Variants in GRIN2D observed in about 807,000 individuals in gnomAD.
GRIN2D encodes glutamate receptor ionotropic, NMDA 2D.
GRIN2D carries 37 observed loss-of-function variants against 103.2 expected under a neutral mutation model. The observed-to-expected ratio is 0.36, with a 90% confidence interval of 0.28 to 0.47. The LOEUF (loss-of-function observed/expected upper bound fraction) is 0.47. Among genes scored for constraint, GRIN2D ranks in the 20% least tolerant of loss-of-function variants. The probability of loss-of-function intolerance (pLI) is 1.00; values close to 1 mark genes in which losing one functional copy is unlikely to be tolerated. For missense variants in GRIN2D, 1,557 were observed against 1,910.6 expected (o/e 0.81, Z 3.45); for synonymous variants, 845 against 885.6 (o/e 0.95, Z 0.81).
intron 2 of GRIN2D, among the ~76,000 whole-genome samples, chr19:48,395,737 T>TGG (rs548565107): frequency 6.6e-6 from 1 of 151,312 alleles, no homozygotes. Context: ...CAGAGCTCGG[T>TGG]GGGGGGGCAC....
chr19:48,430,013 C>T (rs1266009120), intron 11 of GRIN2D, among the ~76,000 whole-genome samples: 2 of 152,118 alleles, frequency 1.3e-5, no homozygotes, highest in Non-Finnish European at 2.9e-5. Flanking sequence ...CAATTTTAGG[C>T]ATTTTTCCAT....
chr19:48,396,067 T>G (rs1336411845), intron 2 of GRIN2D, among the ~76,000 whole-genome samples: 1 of 151,960 alleles, frequency 6.6e-6, no homozygotes, highest in Non-Finnish European at 1.5e-5. Context: ...GAAGGCAGGC[T>G]GGGAGCTCAG....
intron 11 of GRIN2D, among the ~76,000 whole-genome samples, chr19:48,430,861 T>A (rs1971147932): frequency 6.7e-6 from 1 of 148,552 alleles, no homozygotes; most frequent in Non-Finnish European, 1.5e-5. Context: ...TCTCTGTCAC[T>A]CAGGCTGGAG....
In GRIN2D at chr19:48,394,786, C is replaced by A; in HGVS notation, c.-177C>A. ...GGGACAGACAGGAGGTCCGGGCTGC[C>A]GCTGCTGCCGCCACCACCACTGCCG... On this transcript the variant is annotated 5_prime_UTR_variant, in exon 2 of 14. Coordinates refer to ENST00000263269, the MANE Select transcript of GRIN2D (RefSeq NM_000836.4). This position sits in a 1 kb window ranked among gnomAD's most constrained non-coding sequence, Gnocchi z 5.1. 1 of 155,726 alleles carries A rather than the reference C, an allele frequency of 6.4e-6. No individual in the cohort carries two copies. Among genetic ancestry groups the A allele is most frequent in the South Asian group, 1.8e-4 (1 of 5,408 alleles). The allele number at this position is 155,726 out of a possible 1,614,324, so 9.6% of individuals were successfully genotyped here.
chr19:48,426,224 C>CTTTCTTTTTTTTTTTTTTT (rs1555893889), intron 11 of GRIN2D, among the ~76,000 whole-genome samples: 4 of 120,088 alleles, frequency 3.3e-5, no homozygotes, highest in African/African-American at 1.4e-4. Flanking sequence ...TTCTTTCTTT[C>CTTTCTTTTTTTTTTTTTTT]TTTTTTTTTT....
chr19:48,398,450 C>T lies in GRIN2D; in HGVS notation c.58C>T (p.Leu20=). ...PRGPAKMLLL[L]ALACASPFPE... ...GGGCCCCGCTAAGATGCTGCTGCTG[C>T]TGGCGCTGGCCTGCGCCAGCCCGTT... The change falls in exon 3 of 14, where the codon CTG becomes TTG. Residue 20 remains leucine (L), a synonymous_variant. Coordinates refer to ENST00000263269, the MANE Select transcript of GRIN2D (RefSeq NM_000836.4). 9.1e-7 allele frequency: 1 copy of T among 1,098,412 alleles called. No homozygotes were observed. Among genetic ancestry groups the T allele is most frequent in the Non-Finnish European group, 1.1e-6 (1 of 903,428 alleles). The allele number at this position is 1,098,412 out of a possible 1,614,324, so 68.0% of individuals were successfully genotyped here.
At chr19:48,434,413 C>T (rs1347651500) in intron 11 of GRIN2D, among the ~76,000 whole-genome samples, 1 of 152,078 alleles carries the variant, frequency 6.6e-6, no homozygotes, top group African/African-American at 2.4e-5. Context: ...GCAACCACAC[C>T]CAGCTAGTTC....
At chr19:48,426,580 T>TTTCA (rs1015338156) in intron 11 of GRIN2D, among the ~76,000 whole-genome samples, 3 of 151,516 alleles carry the variant, frequency 2.0e-5, no homozygotes, top group Non-Finnish European at 2.9e-5. Flanking sequence ...TATTTTTTAT[T>TTTCA]TTTATTTATT....
chr19:48,399,373 G>A (rs149959070), intron 3 of GRIN2D, among the ~76,000 whole-genome samples: 7,900 of 152,268 alleles, frequency 0.052, 238 homozygotes, highest in Middle Eastern at 0.099. Context: ...TTTGAGACCA[G>A]CCTGGCCAAC....
At chr19:48,401,980 A>T (rs1156480548) in intron 3 of GRIN2D, among the ~76,000 whole-genome samples, 1 of 152,124 alleles carries the variant, frequency 6.6e-6, no homozygotes, top group Non-Finnish European at 1.5e-5. Flanking sequence ...CATGCATGTA[A>T]TCCCAGCTAC....
At chr19:48,416,424 T>G (rs1970950116) in intron 8 of GRIN2D, among the ~76,000 whole-genome samples, 1 of 152,228 alleles carries the variant, frequency 6.6e-6, no homozygotes, top group Admixed American at 6.5e-5. Context: ...TTCCAAGCCC[T>G]GCACCTGGTT....
Position 48,429,715 on chromosome 19 carries a change from A to ATGTGTGTGTGTG in GRIN2D, c.2252+7784_2252+7795dup, listed in dbSNP as rs35154284. On this transcript the variant is annotated intron_variant, in intron 11 of 13. Coordinates refer to ENST00000263269, the MANE Select transcript of GRIN2D (RefSeq NM_000836.4). Reference sequence around the variant, plus strand: ...GGCCCGGCCTAATTTTAATTTTTTAATGTGTGTGTGTGTGTGTGTGTGTGT... The same window carrying ATGTGTGTGTGTG: ...GGCCCGGCCTAATTTTAATTTTTTAATGTGTGTGTGTGTGTGTGTGTGTGTGTGTGTGTGTGT... Among the ~76,000 whole-genome samples the ATGTGTGTGTGTG allele has an allele frequency of 4.0e-3, 584 of 146,982 alleles. 3 individuals are homozygous for ATGTGTGTGTGTG. Among genetic ancestry groups the ATGTGTGTGTGTG allele is most frequent in the African/African-American group, 0.014 (561 of 40,004 alleles).
At chr19:48,428,863 G>A (rs991707464) in intron 11 of GRIN2D, among the ~76,000 whole-genome samples, 1 of 152,174 alleles carries the variant, frequency 6.6e-6, no homozygotes, top group Non-Finnish European at 1.5e-5. Flanking sequence ...AATCTTAGGT[G>A]GGTATGATTG....
rs71181697 is a variant in GRIN2D, at chr19:48,438,287, C to CTTTTTTTTTTTT, written c.2253-3464_2253-3453dup. 7.0e-3 allele frequency among the ~76,000 whole-genome samples: 405 copies of CTTTTTTTTTTTT among 57,752 alleles called. 61 individuals are homozygous for CTTTTTTTTTTTT. Among genetic ancestry groups the CTTTTTTTTTTTT allele is most frequent in the African/African-American group, 0.025 (329 of 13,222 alleles). 37.9% of individuals were successfully genotyped at this position (57,752 alleles called of 152,430 possible). On this transcript the variant is annotated intron_variant, in intron 11 of 13. Coordinates refer to ENST00000263269, the MANE Select transcript of GRIN2D (RefSeq NM_000836.4). ...TCTCTTCAACTCAGCATCCAGCCGC[C>CTTTTTTTTTTTT]TTTTTTTTTTTTTTTTTTTTTTTTT... is the stretch of plus-strand genomic sequence containing the variant.
rs1212804839 is a variant in GRIN2D at position 48,443,697 on chromosome 19, TG to T, written c.3776del (p.Gly1259AlafsTer259). The T allele has an allele frequency of 1.6e-6, 2 of 1,250,510 alleles. No homozygotes were observed. The highest frequency in any genetic ancestry group is 2.9e-5 in the South Asian group (1 of 34,136). 77.5% of individuals were successfully genotyped at this position (1,250,510 alleles called of 1,614,324 possible). A position where few individuals can be genotyped will look rare whatever the true frequency, so the allele number is the denominator to read the frequency against. On this transcript the variant is annotated frameshift_variant, in exon 14 of 14. Coordinates refer to ENST00000263269, the MANE Select transcript of GRIN2D (RefSeq NM_000836.4). LOFTEE classifies it high-confidence loss of function. The surrounding 1 kb of genome is among the most constrained non-coding windows in gnomAD (Gnocchi z 8.9). ...PHHHRHRRAA[G>X]GWDLPPPAPT... ...ACCACCACAGGCACCGGCGCGCCGC[TG>T]GGGGCTGGGACCTCCCGCCGCCCGC... is the stretch of plus-strand genomic sequence containing the variant.
Position 48,443,050 on chromosome 19 carries a change from G to C in GRIN2D, c.3124G>C (p.Gly1042Arg), listed in dbSNP as rs1297532606. The change falls in exon 14 of 14, where the codon GGG (glycine) becomes CGG (arginine). Residue 1042 changes from glycine (G) to arginine (R), a missense_variant. By Grantham distance (125) the Gly-to-Arg change is moderately radical (BLOSUM62 -2). Transcript: ENST00000263269. The surrounding 1 kb of genome is among the most constrained non-coding windows in gnomAD (Gnocchi z 8.9). ...CCCCGCCGCCGCGGCCACCGCCGTC[G>C]GGCCGCCACTCTGCCGCTTGGCCTT... ...APPAAAATAV[G>R]PPLCRLAFED... The C allele has an allele frequency of 2.9e-6, 3 of 1,040,390 alleles. No homozygotes were observed. The African/African-American group carries it at 5.2e-5, about 18-fold the overall frequency. 64.4% of individuals were successfully genotyped at this position (1,040,390 alleles called of 1,614,324 possible).
intron 11 of GRIN2D, among the ~76,000 whole-genome samples, chr19:48,426,224 C>CTTTCTTTTTTTTTTTTTTCT (rs1555893889): frequency 8.3e-6 from 1 of 120,118 alleles, no homozygotes; most frequent in African/African-American, 3.6e-5. Context: ...TTCTTTCTTT[C>CTTTCTTTTTTTTTTTTTTCT]TTTTTTTTTT....
At chr19:48,430,227 T>A (rs572526011) in intron 11 of GRIN2D, among the ~76,000 whole-genome samples, 1 of 152,298 alleles carries the variant, frequency 6.6e-6, no homozygotes, top group African/African-American at 2.4e-5. Context: ...TGAGACAGGG[T>A]CTCACTATGT....
intron 8 of GRIN2D, among the ~76,000 whole-genome samples, chr19:48,418,907 G>A (rs1022880564): frequency 2.0e-5 from 3 of 152,070 alleles, no homozygotes; most frequent in African/African-American, 7.2e-5. Flanking sequence ...GAGAATGGCT[G>A]CCTCCTAGGG....
Sources: gnomAD v4.1 joint callset for allele counts (sites outside exome capture counted in the v4.1 genomes callset) on GRCh38, gnomAD v4.1.1 for gene constraint, Gnocchi (gnomAD v3.1) non-coding constraint, MANE v1.5 for transcripts, NCBI Gene and HGNC (gene_info 2026-07-23, HGNC 2026-07-21) for gene names.